The following MYLK variants were observed in gnomAD, a reference collection of about 807,000 sequenced individuals.
The protein encoded by MYLK is myosin light chain kinase, smooth muscle.
In MYLK, 106 loss-of-function variants were observed where a neutral mutation model predicts 203.4. The observed-to-expected ratio is 0.52, with a 90% confidence interval of 0.45 to 0.61. The LOEUF is 0.61. Ranked by LOEUF, MYLK falls within the 20% of genes least tolerant of loss-of-function variation. The pLI is 0.00. For synonymous variants in MYLK, 867 were observed against 959.5 expected, an observed-to-expected ratio of 0.90 and a Z score of 1.78; for missense variants, 2,072 against 2,442.3, an observed-to-expected ratio of 0.85 and a Z score of 3.20.
At chr3:123,809,205 G>A (rs1483014435) in intron 3 of MYLK, among the ~76,000 whole-genome samples, 1 of 152,210 alleles carries the variant, frequency 6.6e-6, no homozygotes, top group East Asian at 1.9e-4. Flanking sequence ...CCCTGAGGGA[G>A]TGTCCTGACC....
chr3:123,697,864 C>T (rs1189364220), intron 18 of MYLK, among the ~76,000 whole-genome samples: 1 of 152,170 alleles, frequency 6.6e-6, no homozygotes, highest in Non-Finnish European at 1.5e-5. Context: ...ATCATTTCTT[C>T]TGCTGCTGCT....
chr3:123,823,232 T>C (rs1384566281), intron 3 of MYLK, among the ~76,000 whole-genome samples: 1 of 152,156 alleles, frequency 6.6e-6, no homozygotes, highest in Non-Finnish European at 1.5e-5. Context: ...GGTGATCAAA[T>C]CCAGTCCTGT....
At chr3:123,802,741 GAGA>G (rs944456327) in intron 3 of MYLK, among the ~76,000 whole-genome samples, 10 of 152,168 alleles carry the variant, frequency 6.6e-5, no homozygotes, top group Non-Finnish European at 1.5e-4. Context: ...AACAGGCTGA[GAGA>G]AGTTTTCTGC....
intron 1 of MYLK, among the ~76,000 whole-genome samples, chr3:123,878,089 C>A (rs1010401341): frequency 6.6e-6 from 1 of 152,164 alleles, no homozygotes; most frequent in Non-Finnish European, 1.5e-5. Context: ...ATGTACTGAG[C>A]ACCTGTGGTG....
At chr3:123,682,442 AC>A in intron 19 of MYLK, 132 bp from the exon 20 acceptor site, 1 of 745,500 alleles carries the variant, frequency 1.3e-6, no homozygotes, top group Non-Finnish European at 2.3e-6. Flanking sequence ...GCTGGGCAGA[AC>A]AGCGCCTGTG....
At chr3:123,738,669 T>A (rs2062760219) in intron 7 of MYLK, among the ~76,000 whole-genome samples, 1 of 152,198 alleles carries the variant, frequency 6.6e-6, no homozygotes, top group Non-Finnish European at 1.5e-5. Flanking sequence ...GATGGTTTTA[T>A]AAAGAGGAGT....
rs2060295027 is a variant in MYLK, at chr3:123,682,293, T to A, written c.3583A>T (p.Asn1195Tyr). The A allele has an allele frequency of 1.2e-6, 2 of 1,602,080 alleles. No homozygotes were observed. The highest frequency in any genetic ancestry group is 3.4e-5 in the Admixed American group (2 of 58,252). ...VTVDDAPASE[N>Y]TKAPEMKSRR... Reference sequence around the variant, plus strand: ...GATTTCATCTCTGGGGCCTTGGTGTTCTCACTGGCTGGAGCATCTGGAATG... The same window carrying A: ...GATTTCATCTCTGGGGCCTTGGTGTACTCACTGGCTGGAGCATCTGGAATG... The change falls in exon 20 of 34, where the codon AAC becomes TAC. Residue 1195 changes from asparagine to tyrosine, a missense_variant. Asn to Tyr is a moderately radical substitution (Grantham distance 143). This residue lies in a region of MYLK where 865 missense variants were observed against 1,016.0 expected (regional missense o/e 0.85). Coordinates refer to ENST00000360304, the MANE Select transcript of MYLK (RefSeq NM_053025.4).
chr3:123,878,601 C>G (rs1430186912), intron 1 of MYLK, among the ~76,000 whole-genome samples: 1 of 152,228 alleles, frequency 6.6e-6, no homozygotes, highest in Non-Finnish European at 1.5e-5. Context: ...TTCTTCCTGC[C>G]TATGTCAGGC....
In MYLK at chr3:123,611,082, T is replaced by C. The variant is rs2057237010; in HGVS notation, c.*3023A>G. 1 of 152,186 alleles carries C rather than the reference T, an allele frequency of 6.6e-6. No individual in the cohort carries two copies. The highest frequency in any genetic ancestry group is 2.4e-5 in the African/African-American group (1 of 41,438). The allele number at this position is 152,186 out of a possible 1,614,324, so 9.4% of individuals were successfully genotyped here. ...AGTCATTTTCTTTAAAAATAATAAATTGTTAGGGACATTTGTGGATTGTGA... is the reference window on the plus strand; with the variant it reads ...AGTCATTTTCTTTAAAAATAATAAACTGTTAGGGACATTTGTGGATTGTGA... On this transcript the variant is annotated 3_prime_UTR_variant, in exon 34 of 34. Coordinates refer to ENST00000360304, the MANE Select transcript of MYLK (RefSeq NM_053025.4).
In MYLK at chr3:123,613,992, G is replaced by T; in HGVS notation, c.*113C>A. ...GAATCAACCCACAAATGACCTAACC[G>T]ATAATCTATCACACTAGGTGCTTTT... is the stretch of plus-strand genomic sequence containing the variant. On this transcript the variant is annotated 3_prime_UTR_variant, in exon 34 of 34. Coordinates refer to ENST00000360304, the MANE Select transcript of MYLK (RefSeq NM_053025.4). 2 of 1,337,334 alleles carry T rather than the reference G, an allele frequency of 1.5e-6. 1 individual carries two copies. Among genetic ancestry groups the T allele is most frequent in the South Asian group, 2.5e-5 (2 of 78,960 alleles). The allele number at this position is 1,337,334 out of a possible 1,614,324, so 82.8% of individuals were successfully genotyped here.
intron 2 of MYLK, among the ~76,000 whole-genome samples, chr3:123,844,159 G>A (rs1188927861): frequency 6.6e-6 from 1 of 152,154 alleles, no homozygotes. Context: ...CTATTAAACA[G>A]AGACAAAGCA....
At chr3:123,725,514 G>C (rs975379472) in intron 12 of MYLK, among the ~76,000 whole-genome samples, 1 of 152,132 alleles carries the variant, frequency 6.6e-6, no homozygotes, top group Admixed American at 6.5e-5. Flanking sequence ...TCCCTCATGC[G>C]ACTTTGAGAG....
intron 32 of MYLK, among the ~76,000 whole-genome samples, chr3:123,619,839 G>A (rs923304941): frequency 1.3e-5 from 2 of 152,126 alleles, no homozygotes; most frequent in Non-Finnish European, 2.9e-5. Flanking sequence ...ACAACTACAT[G>A]TAATTTTAAT....
Position 123,738,980 on chromosome 3 carries a change from G to A in MYLK, c.505C>T (p.Arg169Ter), listed in dbSNP as rs778050996. The change falls in exon 7 of 34, where the codon CGA becomes TGA. Residue 169 changes from arginine (R) to a stop codon, truncating the protein, a stop_gained. Coordinates refer to ENST00000360304, the MANE Select transcript of MYLK (RefSeq NM_053025.4). LOFTEE classifies it high-confidence loss of function. The part of the protein sequence containing the change: ...CPPKFATKLG[R>*]VVVKEGQMGR... ...ATCTGTCCTTCTTTGACCACAACTC[G>A]GCCCAGCTTGGTAGCAAACTTTGGT... 7.4e-6 allele frequency: 12 copies of A among 1,613,408 alleles called. No homozygotes were observed. The highest frequency in any genetic ancestry group is 2.7e-5 in the African/African-American group (2 of 74,842).
chr3:123,656,985 A>T, intron 24 of MYLK, 141 bp downstream of exon 24: 1 of 953,130 alleles, frequency 1.0e-6, no homozygotes, highest in Non-Finnish European at 1.6e-6. Context: ...ACTGTCTTGG[A>T]AACCAAGACC....
chr3:123,773,987 C>T (rs1451476560), intron 4 of MYLK, among the ~76,000 whole-genome samples: 1 of 152,216 alleles, frequency 6.6e-6, no homozygotes, highest in Admixed American at 6.5e-5. Flanking sequence ...CTGCCTGTCT[C>T]CAGCTGAGGC....
intron 2 of MYLK, among the ~76,000 whole-genome samples, chr3:123,851,990 C>T (rs955185714): frequency 1.3e-5 from 2 of 152,170 alleles, no homozygotes; most frequent in African/African-American, 2.4e-5. Flanking sequence ...TTTTCTGCAT[C>T]TATTGAGATA....
intron 22 of MYLK, among the ~76,000 whole-genome samples, chr3:123,665,373 A>T (rs1310938639): frequency 6.6e-6 from 1 of 152,222 alleles, no homozygotes; most frequent in Non-Finnish European, 1.5e-5. Flanking sequence ...AGTAGTCCAG[A>T]TGTCGCTCAG....
At chr3:123,827,623 C>G (rs1404175950) in intron 3 of MYLK, among the ~76,000 whole-genome samples, 1 of 143,350 alleles carries the variant, frequency 7.0e-6, no homozygotes, top group Non-Finnish European at 1.5e-5. Context: ...AGGAATTCAT[C>G]ACCACTAAAC....
Sources: gnomAD v4.1 joint callset for allele counts (sites outside exome capture counted in the v4.1 genomes callset) on GRCh38, gnomAD v4.1.1 for gene constraint, gnomAD v4.1.1 regional missense constraint, MANE v1.5 for transcripts, NCBI Gene and HGNC (gene_info 2026-07-23, HGNC 2026-07-21) for gene names.